The following RADX variants were observed in gnomAD, a reference collection of about 807,000 sequenced individuals.
The protein encoded by RADX is RPA1 related single stranded DNA binding protein, X-linked, also known as RPA-related protein RADX.
RADX carries 36 observed loss-of-function variants against 61.6 expected under a neutral mutation model. The ratio of observed to expected loss-of-function variants is 0.58; its 90% CI spans 0.45 to 0.77. RADX has a LOEUF of 0.77. Ranked by LOEUF, RADX falls within the 30% of genes least tolerant of loss-of-function variation. The pLI is 0.00. For synonymous variants in RADX, 272 were observed against 237.9 expected, an observed-to-expected ratio of 1.14 and a Z score of -1.32; for missense variants, 497 against 651.1, an observed-to-expected ratio of 0.76 and a Z score of 2.58.
rs1325170958 is a variant in RADX at position 106,639,685 on chromosome X, C to T, written c.1732C>T (p.Arg578Trp). The T allele has an allele frequency of 3.4e-6, 4 of 1,171,958 alleles. No individual in the cohort carries two copies. The highest frequency in any genetic ancestry group is 4.0e-5 in the South Asian group (2 of 49,876). The change falls in exon 9 of 14, where the codon CGG becomes TGG. Residue 578 changes from arginine (R) to tryptophan (W), a missense_variant and splice_region_variant. Around this residue, in one of 3 missense-constraint regions of RADX, gnomAD observed 267 missense variants for 306.9 expected, o/e 0.87. Transcript: ENST00000372548. ...TESASASETL[R>W]NANRPSTSQA... ...AAGTGCCTCAGCATCAGAAACACTTCGGGTATGGTGCCAGAGAATTAATAG... is the reference window on the plus strand; with the variant it reads ...AAGTGCCTCAGCATCAGAAACACTTTGGGTATGGTGCCAGAGAATTAATAG...
intron 11 of RADX, among the ~76,000 whole-genome samples, chrX:106,651,766 A>C (rs905323574): frequency 9.0e-6 from 1 of 111,239 alleles, no homozygotes; most frequent in African/African-American, 3.3e-5. Flanking sequence ...TCAAGCTGAA[A>C]GAATAGGATA....
At chrX:106,663,985 T>C (rs1430598436) in intron 12 of RADX, among the ~76,000 whole-genome samples, 3 of 111,941 alleles carry the variant, frequency 2.7e-5, no homozygotes, top group African/African-American at 9.7e-5. Flanking sequence ...TTCCTCCCAC[T>C]AGCTTTAATC....
chrX:106,654,529 G>A (rs1173804016), intron 11 of RADX, among the ~76,000 whole-genome samples: 1 of 111,282 alleles, frequency 9.0e-6, no homozygotes, highest in African/African-American at 3.3e-5. Flanking sequence ...TTAATAAATG[G>A]TGTTGGGAAA....
At chrX:106,624,368 C>G (rs766130409) in intron 2 of RADX, among the ~76,000 whole-genome samples, 1 of 111,756 alleles carries the variant, frequency 8.9e-6, no homozygotes, top group Non-Finnish European at 1.9e-5. Flanking sequence ...CGCTCCCTGA[C>G]TGTAGGGAAG....
rs773785255 is a variant in RADX at position 106,648,333 on chromosome X, G to A, written c.1925G>A (p.Gly642Glu). ...TATAGAGTTGCTGTACCTCAACCAG[G>A]AGCTTCTGTACAAACAAAGGGAATT... ...HANPVAVPQP[G>E]ASVQTKGIKP... The change falls in exon 11 of 14, where the codon GGA (glycine) becomes GAA (glutamate). Residue 642 changes from glycine (G) to glutamate (E), a missense_variant. By Grantham distance (98) the Gly-to-Glu change is moderately conservative. Transcript: ENST00000372548. 8 of 1,193,223 alleles carry A rather than the reference G, an allele frequency of 6.7e-6. No homozygotes were observed. In the East Asian group the frequency reaches 1.8e-4, roughly 27 times the overall value.
chrX:106,656,847 C>T (rs953511622), intron 11 of RADX, among the ~76,000 whole-genome samples: 14 of 111,752 alleles, frequency 1.3e-4, no homozygotes, highest in African/African-American at 4.6e-4. Flanking sequence ...TTCTAGAGCA[C>T]AGGCAGAGTA....
chrX:106,621,623 A>G (rs1164789532), intron 1 of RADX, among the ~76,000 whole-genome samples: 1 of 112,104 alleles, frequency 8.9e-6, no homozygotes, highest in Non-Finnish European at 1.9e-5. Context: ...AAACATTTCT[A>G]AGTAAATTAT....
chrX:106,649,617 A>G (rs180869973), intron 11 of RADX, among the ~76,000 whole-genome samples: 130 of 111,982 alleles, frequency 1.2e-3, no homozygotes, highest in African/African-American at 4.0e-3. Flanking sequence ...CATTTTGTTT[A>G]TCTCACAGGA....
At chrX:106,619,702 C>G (rs1476192158) in intron 1 of RADX, among the ~76,000 whole-genome samples, 3 of 111,454 alleles carry the variant, frequency 2.7e-5, no homozygotes, top group Admixed American at 1.9e-4. Flanking sequence ...TTTCACTGAT[C>G]TTTTCAAATT....
chrX:106,633,810 A>G (rs1039322214), intron 6 of RADX, among the ~76,000 whole-genome samples: 4 of 111,767 alleles, frequency 3.6e-5, no homozygotes, highest in African/African-American at 1.3e-4. Context: ...ATTCAGATAT[A>G]AAAGTATTTT....
intron 10 of RADX, among the ~76,000 whole-genome samples, chrX:106,643,995 G>A (rs1381152728): frequency 9.0e-6 from 1 of 111,110 alleles, no homozygotes; most frequent in African/African-American, 3.3e-5. Context: ...TCTTTCACTT[G>A]TTTGGTTATG....
chrX:106,633,076 G>A lies in RADX; in HGVS notation c.1180+53G>A. 5.2e-6 allele frequency: 6 copies of A among 1,162,756 alleles called. No individual in the cohort carries two copies. The South Asian group carries it at 1.1e-4, about 21-fold the overall frequency. On this transcript the variant is annotated intron_variant, in intron 5 of 13. Coordinates refer to ENST00000372548, the MANE Select transcript of RADX (RefSeq NM_018015.6). ...AAAGTATTTCAGTGAATAATTTTGT[G>A]TTCATATGTATATAACAGTTACCTT... is the stretch of plus-strand genomic sequence containing the variant.
chrX:106,627,905 G>A (rs1427184259), intron 3 of RADX, among the ~76,000 whole-genome samples: 2 of 111,011 alleles, frequency 1.8e-5, no homozygotes, highest in East Asian at 2.8e-4. Context: ...GTGCAATCTC[G>A]GCTCACTGCA....
chrX:106,662,588 C>T (rs921940952), intron 12 of RADX, among the ~76,000 whole-genome samples: 1 of 109,722 alleles, frequency 9.1e-6, no homozygotes, highest in Non-Finnish European at 1.9e-5. Flanking sequence ...TCTAAGGCAG[C>T]TTCTGTTCTC....
chrX:106,674,224 G>A (rs952834479), intron 13 of RADX, among the ~76,000 whole-genome samples: 27 of 111,131 alleles, frequency 2.4e-4, no homozygotes, highest in African/African-American at 8.5e-4. Flanking sequence ...GGTGGGAGAC[G>A]ATTGGTGGAG....
intron 3 of RADX, among the ~76,000 whole-genome samples, chrX:106,626,765 A>C (rs1290737523): frequency 8.9e-6 from 1 of 112,187 alleles, no homozygotes; most frequent in Admixed American, 9.5e-5. Flanking sequence ...GTGATAATAT[A>C]TTTAAAATGT....
In RADX at chrX:106,636,544, G is replaced by A. The variant is rs780859177; in HGVS notation, c.1305G>A (p.Met435Ile). 8.7e-7 allele frequency: 1 copy of A among 1,152,751 alleles called. No homozygotes were observed. The highest frequency in any genetic ancestry group is 1.9e-5 in the South Asian group (1 of 52,376). 95.0% of individuals were successfully genotyped at this position (1,152,751 alleles called of 1,213,427 possible). A position where few individuals can be genotyped will look rare whatever the true frequency, so the allele number is the denominator to read the frequency against. The change falls in exon 7 of 14, where the codon ATG becomes ATA. Residue 435 changes from methionine to isoleucine, a missense_variant and splice_region_variant. Physicochemically the swap from Met to Ile is conservative, Grantham distance 10. This residue lies in a region of RADX where 196 missense variants were observed against 315.0 expected (regional missense o/e 0.62). Transcript: ENST00000372548. ...TTCATAAGTGTTTTTGTTCTCTAGTGGCATATTTTGTGTGTACACAGTTGA... is the reference window on the plus strand; with the variant it reads ...TTCATAAGTGTTTTTGTTCTCTAGTAGCATATTTTGTGTGTACACAGTTGA... ...QPEIFENIYP[M>I]AYFVCTQLKV... is the part of the protein sequence containing the mutation.
At position 106,678,415 on chromosome X, in the gene RADX, T is replaced by A; in HGVS notation, c.*157T>A. 2.8e-6 allele frequency: 1 copy of A among 360,262 alleles called. No individual in the cohort carries two copies. Among genetic ancestry groups the A allele is most frequent in the South Asian group, 7.8e-5 (1 of 12,750 alleles). 29.7% of individuals were successfully genotyped at this position (360,262 alleles called of 1,213,427 possible). A position where few individuals can be genotyped will look rare whatever the true frequency, so the allele number is the denominator to read the frequency against. ...TATGTTCGTTTTGTGTTTAGGGAGCTTTTTAAAACACTTCATTTCAGATTC... is the reference window on the plus strand; with the variant it reads ...TATGTTCGTTTTGTGTTTAGGGAGCATTTTAAAACACTTCATTTCAGATTC... On this transcript the variant is annotated 3_prime_UTR_variant, in exon 14 of 14. Transcript: ENST00000372548.
chrX:106,623,329 C>T (rs761123585), intron 2 of RADX, among the ~76,000 whole-genome samples: 1 of 111,839 alleles, frequency 8.9e-6, no homozygotes, highest in South Asian at 3.7e-4. Context: ...TGTCTTGACT[C>T]TCTGTGCCAT....
Sources: allele counts gnomAD v4.1 joint callset (sites outside exome capture counted in the v4.1 genomes callset), GRCh38; gene constraint gnomAD v4.1.1; regional missense constraint gnomAD v4.1.1; transcripts MANE v1.5; gene names NCBI Gene and HGNC (gene_info 2026-07-23, HGNC 2026-07-21).